PTPN4: variants seen among roughly 807,000 people sequenced by gnomAD.
The protein encoded by PTPN4 is tyrosine-protein phosphatase non-receptor type 4.
In PTPN4, 49 loss-of-function variants were observed where a neutral mutation model predicts 135.5. The ratio of observed to expected loss-of-function variants is 0.36; its 90% confidence interval spans 0.29 to 0.46. The LOEUF (loss-of-function observed/expected upper bound fraction) is 0.46. PTPN4 is among the 20% of genes least tolerant of loss of function. The pLI is 1.00. For synonymous variants in PTPN4, 333 were observed against 369.9 expected (o/e 0.90, Z 1.14); for missense variants, 860 against 1,101.0 (o/e 0.78, Z 3.10).
intron 1 of PTPN4, among the ~76,000 whole-genome samples, chr2:119,802,057 C>T (rs1296668071): frequency 6.6e-6 from 1 of 151,998 alleles, no homozygotes; most frequent in Non-Finnish European, 1.5e-5. Context: ...GCGCCCGCCA[C>T]CACACCCAGC....
intron 2 of PTPN4, among the ~76,000 whole-genome samples, chr2:119,855,592 A>G (rs934330759): frequency 6.6e-6 from 1 of 152,156 alleles, no homozygotes; most frequent in African/African-American, 2.4e-5. Flanking sequence ...TGACATGCCA[A>G]GTGAAAAGGA....
At chr2:119,895,710 A>C (rs1360560800) in intron 9 of PTPN4, among the ~76,000 whole-genome samples, 1 of 152,208 alleles carries the variant, frequency 6.6e-6, no homozygotes, top group Non-Finnish European at 1.5e-5. Flanking sequence ...TCACGAGGTC[A>C]GGAGATCGAG....
At chr2:119,952,653 T>G (rs956586) in intron 19 of PTPN4, among the ~76,000 whole-genome samples, 1 of 152,232 alleles carries the variant, frequency 6.6e-6, no homozygotes. Context: ...ATAGTTAAAG[T>G]GTTTTTAAAA....
intron 1 of PTPN4, among the ~76,000 whole-genome samples, chr2:119,763,086 G>C (rs1690540213): frequency 6.6e-6 from 1 of 152,100 alleles, no homozygotes; most frequent in Non-Finnish European, 1.5e-5. Flanking sequence ...TGATATGAAA[G>C]TACCATTGTC....
At chr2:119,925,316 T>C (rs1441688653) in intron 12 of PTPN4, among the ~76,000 whole-genome samples, 2 of 152,218 alleles carry the variant, frequency 1.3e-5, no homozygotes, top group East Asian at 3.8e-4. Context: ...TTGTTTATCA[T>C]AGCCCCTGCA....
intron 15 of PTPN4, among the ~76,000 whole-genome samples, chr2:119,939,749 C>T (rs184159544): frequency 6.6e-6 from 1 of 152,286 alleles, no homozygotes; most frequent in East Asian, 1.9e-4. Flanking sequence ...TCCTCCACCC[C>T]TCTCAGCTAC....
At chr2:119,910,147 GTGGTCTTGCCACAT>G (rs1678549179) in intron 10 of PTPN4, among the ~76,000 whole-genome samples, 1 of 151,998 alleles carries the variant, frequency 6.6e-6, no homozygotes, top group African/African-American at 2.4e-5. Flanking sequence ...ATTTGGCAAT[GTGGTCTTGCCACAT>G]TGTGGCAAGA....
intron 13 of PTPN4, among the ~76,000 whole-genome samples, chr2:119,928,525 A>C (rs1339734819): frequency 2.0e-5 from 3 of 152,144 alleles, no homozygotes; most frequent in Non-Finnish European, 4.4e-5. Flanking sequence ...TTTGCACTGC[A>C]ATATGAGGGG....
intron 1 of PTPN4, among the ~76,000 whole-genome samples, chr2:119,808,144 C>T (rs1285812576): frequency 6.6e-6 from 1 of 152,182 alleles, no homozygotes; most frequent in Non-Finnish European, 1.5e-5. Flanking sequence ...AAGCTGGAAG[C>T]ATTTCCTTTG....
At chr2:119,824,579 T>C (rs905712599) in intron 2 of PTPN4, among the ~76,000 whole-genome samples, 5 of 152,268 alleles carry the variant, frequency 3.3e-5, no homozygotes, top group Non-Finnish European at 4.4e-5. Context: ...CTTTCAGTTA[T>C]ATAATTTTTA....
intron 1 of PTPN4, among the ~76,000 whole-genome samples, chr2:119,798,810 ATTG>A (rs948757188): frequency 7.9e-5 from 12 of 152,186 alleles, no homozygotes; most frequent in Non-Finnish European, 1.6e-4. Flanking sequence ...TTTATTAACT[ATTG>A]TTTATTCATT....
intron 10 of PTPN4, among the ~76,000 whole-genome samples, chr2:119,908,277 A>G (rs1415883667): frequency 6.6e-6 from 1 of 152,032 alleles, no homozygotes; most frequent in African/African-American, 2.4e-5. Flanking sequence ...TAAAATTGAC[A>G]TTTCTCAGAA....
At chr2:119,798,051 T>C (rs1691294592) in intron 1 of PTPN4, among the ~76,000 whole-genome samples, 1 of 152,196 alleles carries the variant, frequency 6.6e-6, no homozygotes, top group Admixed American at 6.5e-5. Context: ...ACATTAAATA[T>C]GTTTAAAGGA....
intron 3 of PTPN4, among the ~76,000 whole-genome samples, chr2:119,876,973 C>G (rs1363119184): frequency 6.9e-6 from 1 of 145,868 alleles, no homozygotes; most frequent in African/African-American, 2.5e-5. Context: ...TGAAAACTTG[C>G]CAGACTTTTA....
chr2:119,906,966 G>T (rs1156735152), intron 10 of PTPN4, among the ~76,000 whole-genome samples: 1 of 152,156 alleles, frequency 6.6e-6, no homozygotes, highest in Non-Finnish European at 1.5e-5. Flanking sequence ...CCGTTAAGTT[G>T]CAGGGAACAA....
chr2:119,936,066 T>C (rs1488057881), intron 15 of PTPN4, among the ~76,000 whole-genome samples: 1 of 151,924 alleles, frequency 6.6e-6, no homozygotes, highest in Admixed American at 6.6e-5. Flanking sequence ...GCAGTGGCGC[T>C]ATCTCGGCTC....
chr2:119,831,183 A>G (rs993360467), intron 2 of PTPN4, among the ~76,000 whole-genome samples: 1 of 152,138 alleles, frequency 6.6e-6, no homozygotes, highest in African/African-American at 2.4e-5. Context: ...TCATGTTCCT[A>G]TGAGAATCTA....
At chr2:119,786,828 T>C (rs1691056090) in intron 1 of PTPN4, among the ~76,000 whole-genome samples, 2 of 152,258 alleles carry the variant, frequency 1.3e-5, no homozygotes, top group South Asian at 4.1e-4. Context: ...TTTGTTAAAA[T>C]ACAATCTGCC....
rs1464955991 is a variant in PTPN4 at position 119,932,457 on chromosome 2, G to A, written c.1104G>A (p.Met368Ile). The change falls in exon 14 of 27, where the codon ATG (methionine) becomes ATA (isoleucine). Residue 368 changes from methionine to isoleucine, a missense_variant. Transcript: ENST00000263708. Reference sequence around the variant, plus strand: ...GTAAGCCCTTGGCACGGAAATTAATGGATTGGGAAGTAGTAAGCAGAAATT... The same window carrying A: ...GTAAGCCCTTGGCACGGAAATTAATAGATTGGGAAGTAGTAAGCAGAAATT... ...SPSKPLARKL[M>I]DWEVVSRNSI... The A allele has an allele frequency of 8.1e-6, 13 of 1,611,018 alleles. No homozygotes were observed. The highest frequency in any genetic ancestry group is 1.1e-5 in the South Asian group (1 of 90,676).
Sources: allele counts gnomAD v4.1 joint callset (sites outside exome capture counted in the v4.1 genomes callset), GRCh38; gene constraint gnomAD v4.1.1; transcripts MANE v1.5; gene names NCBI Gene and HGNC (gene_info 2026-07-23, HGNC 2026-07-21).